Variants in BRCA1 observed in about 807,000 individuals in gnomAD.
BRCA1 encodes breast cancer type 1 susceptibility protein.
BRCA1 carries 140 observed loss-of-function variants against 173.7 expected under a neutral mutation model. That is an observed-to-expected ratio of 0.81 (90% CI 0.70 to 0.93). The LOEUF (loss-of-function observed/expected upper bound fraction) is 0.93. BRCA1 is among the 40% of genes least tolerant of loss of function. BRCA1 has a pLI of 0.00. For synonymous variants in BRCA1, 662 were observed against 756.0 expected, an observed-to-expected ratio of 0.88 and a Z score of 2.04; for missense variants, 1,983 against 2,172.5, an observed-to-expected ratio of 0.91 and a Z score of 1.73.
intron 1 of BRCA1, among the ~76,000 whole-genome samples, chr17:43,147,769 G>T (rs1309101116): frequency 6.6e-6 from 1 of 152,004 alleles, no homozygotes; most frequent in African/African-American, 2.4e-5. Context: ...TTAGAGGAAG[G>T]ACTCACATAT....
chr17:43,083,916 T>C (rs989693122), intron 11 of BRCA1, among the ~76,000 whole-genome samples: 2 of 152,108 alleles, frequency 1.3e-5, no homozygotes, highest in Non-Finnish European at 2.9e-5. Flanking sequence ...CAGGCTGGAG[T>C]GCAGTGGTGC....
chr17:43,168,222 C>T (rs2056280596), intron 1 of BRCA1: 1 of 427,212 alleles, frequency 2.3e-6, no homozygotes, highest in Non-Finnish European at 4.8e-6. Context: ...TTTTGTACTT[C>T]TTCAACGCAA....
In BRCA1 at chr17:43,067,550, C is replaced by T. The variant is rs969799016; in HGVS notation, c.5074+58G>A. On this transcript the variant is annotated intron_variant, in intron 16 of 22. Transcript: ENST00000357654. ...ATTACAGGCATGCGCCACCGTGCCT[C>T]GCCTCATGTGGTTTTATGCAGCAGA... is the stretch of plus-strand genomic sequence containing the variant. 3.4e-5 allele frequency: 48 copies of T among 1,418,070 alleles called. No individual in the cohort carries two copies. In the East Asian group the frequency reaches 4.6e-4, roughly 14 times the overall value. 87.8% of individuals were successfully genotyped at this position (1,418,070 alleles called of 1,614,324 possible).
Position 43,045,387 on chromosome 17 carries a change from G to A in BRCA1, c.*291C>T, listed in dbSNP as rs878854928. 46 of 629,594 alleles carry A rather than the reference G, an allele frequency of 7.3e-5. No individual in the cohort carries two copies. Among genetic ancestry groups the A allele is most frequent in the Admixed American group, 1.5e-4 (7 of 47,834 alleles). The allele number at this position is 629,594 out of a possible 1,614,324, so 39.0% of individuals were successfully genotyped here. On this transcript the variant is annotated 3_prime_UTR_variant, in exon 23 of 23. Transcript: ENST00000357654. The stretch of plus-strand genomic sequence containing the variant: ...AGAAAGAATAGGGCTGATAAATAAT[G>A]AATCAGCATCTTGCTCAATTGGTGG...
chr17:43,160,931 C>G (rs1176309501), intron 1 of BRCA1: 4 of 152,154 alleles, frequency 2.6e-5, no homozygotes, highest in Admixed American at 2.0e-4. Context: ...ACTATTATAA[C>G]TCTTATTATA....
chr17:43,147,694 A>T (rs1257660819), intron 1 of BRCA1, among the ~76,000 whole-genome samples: 1 of 152,236 alleles, frequency 6.6e-6, no homozygotes, highest in Non-Finnish European at 1.5e-5. Context: ...CTGTTTGCTC[A>T]GTTCTAGGAT....
intron 1 of BRCA1, chr17:43,153,516 T>G (rs1263923622): frequency 2.6e-5 from 4 of 152,132 alleles, no homozygotes; most frequent in African/African-American, 9.7e-5. Context: ...ACCGTCTTTG[T>G]TTCTCACTTC....
intron 12 of BRCA1, chr17:43,079,592 T>C: frequency 1.2e-6 from 1 of 857,152 alleles, no homozygotes; most frequent in East Asian, 2.4e-5. Flanking sequence ...CATTAAACAC[T>C]CTAAGAGCCA....
intron 13 of BRCA1, 122 bp downstream of exon 13, chr17:43,076,364 TAA>T: frequency 8.5e-7 from 1 of 1,173,772 alleles, no homozygotes; most frequent in Non-Finnish European, 1.2e-6. Flanking sequence ...CCTAGAGCAA[TAA>T]AAGTGTATAA....
rs80356874 is a variant in BRCA1 at position 43,092,862 on chromosome 17, C to A, written c.2669G>T (p.Gly890Val). 3.6e-5 allele frequency: 58 copies of A among 1,613,710 alleles called. No homozygotes were observed. The highest frequency in any genetic ancestry group is 5.3e-5 in the African/African-American group (4 of 74,872). ...EECATFSAHS[G>V]SLKKQSPKVT... is the part of the protein sequence containing the mutation. ...TTTTGGACTTTGTTTCTTTAAGGAC[C>A]CAGAGTGGGCAGAGAATGTTGCACA... Residue 890 changes from glycine to valine, a missense_variant, in exon 10 of 23, where the codon GGG becomes GTG. Gly to Val is a moderately radical substitution (Grantham distance 109, BLOSUM62 -3). Transcript: ENST00000357654.
chr17:43,062,533 A>G (rs1342852684), intron 18 of BRCA1, among the ~76,000 whole-genome samples: 1 of 152,102 alleles, frequency 6.6e-6, no homozygotes, highest in Non-Finnish European at 1.5e-5. Flanking sequence ...CTTTTCCCCA[A>G]AGAAAGGACT....
At chr17:43,053,121 C>A (rs866777490) in intron 19 of BRCA1, among the ~76,000 whole-genome samples, 14 of 151,994 alleles carry the variant, frequency 9.2e-5, no homozygotes, top group African/African-American at 3.4e-4. Context: ...CATGATCCAC[C>A]CGCCTCAGGC....
chr17:43,143,277 A>G (rs908408811), intron 1 of BRCA1, among the ~76,000 whole-genome samples: 1 of 151,956 alleles, frequency 6.6e-6, no homozygotes, highest in Non-Finnish European at 1.5e-5. Flanking sequence ...TTGTTGGCCC[A>G]CTGAAGTCAC....
chr17:43,141,315 G>A (rs2056073832), intron 1 of BRCA1, among the ~76,000 whole-genome samples: 1 of 152,060 alleles, frequency 6.6e-6, no homozygotes, highest in African/African-American at 2.4e-5. Flanking sequence ...GGAATAATAA[G>A]AATTGTAGCC....
intron 12 of BRCA1, among the ~76,000 whole-genome samples, chr17:43,078,492 G>A (rs965285241): frequency 1.3e-4 from 20 of 152,170 alleles, no homozygotes; most frequent in African/African-American, 2.4e-5. Flanking sequence ...TATTTAATAA[G>A]TAAAAACAAA....
At chr17:43,168,180 A>G (rs1349454031) in intron 1 of BRCA1, 2 of 402,362 alleles carry the variant, frequency 5.0e-6, no homozygotes, top group African/African-American at 2.2e-5. Context: ...CAGATTGGAC[A>G]CTGTAAGATT....
intron 1 of BRCA1, among the ~76,000 whole-genome samples, chr17:43,168,867 G>T (rs1248877190): frequency 1.3e-5 from 2 of 152,040 alleles, no homozygotes; most frequent in East Asian, 3.9e-4. Flanking sequence ...AATGCTTCTG[G>T]CTGTTTTCTT....
chr17:43,166,066 CTT>C (rs2056264931), intron 1 of BRCA1: 2 of 151,466 alleles, frequency 1.3e-5, no homozygotes, highest in Admixed American at 6.6e-5. Context: ...CTCTTTCTCT[CTT>C]TCTTTCTCTC....
intron 1 of BRCA1, among the ~76,000 whole-genome samples, chr17:43,149,928 A>G (rs2056150406): frequency 6.6e-6 from 1 of 151,990 alleles, no homozygotes; most frequent in African/African-American, 2.4e-5. Flanking sequence ...AGCTGGGATT[A>G]CAGGAACCCA....
Sources: gnomAD v4.1 joint callset for allele counts (sites outside exome capture counted in the v4.1 genomes callset) on GRCh38, gnomAD v4.1.1 for gene constraint, MANE v1.5 for transcripts, NCBI Gene and HGNC (gene_info 2026-07-23, HGNC 2026-07-21) for gene names.